SLC25A43: variants seen among roughly 807,000 people sequenced by gnomAD.
SLC25A43 encodes solute carrier family 25, member 43.
In SLC25A43, 10 loss-of-function variants were observed where a neutral mutation model predicts 22.8. The ratio of observed to expected loss-of-function variants is 0.44; its 90% CI spans 0.27 to 0.74. The LOEUF (loss-of-function observed/expected upper bound fraction) is 0.74, where lower values mean the gene tolerates loss of function less well. Ranked by LOEUF, SLC25A43 falls within the 30% of genes least tolerant of loss-of-function variation. The pLI, the probability that SLC25A43 is intolerant of heterozygous loss-of-function variation, is 0.17. For missense variants in SLC25A43, 233 were observed against 279.1 expected (o/e 0.83, Z 1.18); for synonymous variants, 106 against 121.6 (o/e 0.87, Z 0.84).
At chrX:119,418,758 G>T (rs374161765) in intron 3 of SLC25A43, among the ~76,000 whole-genome samples, 2 of 112,033 alleles carry the variant, frequency 1.8e-5, no homozygotes, top group African/African-American at 3.2e-5. Context: ...TGGTGGGAAG[G>T]GGGGTGGGTC....
chrX:119,420,537 G>A (rs1369385091), intron 3 of SLC25A43, among the ~76,000 whole-genome samples: 1 of 110,359 alleles, frequency 9.1e-6, no homozygotes, highest in Non-Finnish European at 1.9e-5. Context: ...CAAACTCCTG[G>A]GCTCAAGCCA....
At chrX:119,426,906 T>C (rs756164310) in intron 3 of SLC25A43, among the ~76,000 whole-genome samples, 39 of 110,362 alleles carry the variant, frequency 3.5e-4, no homozygotes, top group Non-Finnish European at 6.4e-4. Context: ...AGAACCTCAA[T>C]AGACCTTGGA....
chrX:119,425,627 G>GAAA (rs58579795), intron 3 of SLC25A43, among the ~76,000 whole-genome samples: 917 of 85,391 alleles, frequency 0.011, 18 homozygotes, highest in African/African-American at 0.031. Context: ...TTAGCAGTCA[G>GAAA]AAAAAAAAAA....
chrX:119,426,561 G>A (rs1263747488), intron 3 of SLC25A43, among the ~76,000 whole-genome samples: 1 of 111,813 alleles, frequency 8.9e-6, no homozygotes, highest in Non-Finnish European at 1.9e-5. Flanking sequence ...GGCGACTCAC[G>A]CCTGTAATCC....
At chrX:119,401,686 A>G (rs576112954) in intron 1 of SLC25A43, among the ~76,000 whole-genome samples, 3 of 108,423 alleles carry the variant, frequency 2.8e-5, no homozygotes, top group Non-Finnish European at 3.8e-5. Context: ...AGGGATTTGG[A>G]CTTGACTTGG....
At chrX:119,414,673 G>C (rs1302196066) in intron 3 of SLC25A43, among the ~76,000 whole-genome samples, 1 of 110,948 alleles carries the variant, frequency 9.0e-6, no homozygotes, top group African/African-American at 3.3e-5. Flanking sequence ...GTGCTTAAAA[G>C]GCCTATTCTA....
intron 3 of SLC25A43, chrX:119,451,703 T>A (rs1423888083): frequency 1.8e-6 from 1 of 555,455 alleles, no homozygotes; most frequent in Non-Finnish European, 2.4e-6. Context: ...GGGATTATGT[T>A]TATCATGTCC....
intron 3 of SLC25A43, 84 bp from the exon 4 acceptor site, chrX:119,451,922 TGTA>T (rs1255325766): frequency 1.2e-5 from 14 of 1,191,899 alleles, no homozygotes; most frequent in Middle Eastern, 2.6e-4. Context: ...GCATCCAGAA[TGTA>T]GACTTGAGAC....
intron 3 of SLC25A43, among the ~76,000 whole-genome samples, chrX:119,435,457 C>CTTTTTTTTTTTTT (rs1175233726): frequency 9.1e-5 from 5 of 54,736 alleles, no homozygotes; most frequent in African/African-American, 1.4e-4. Flanking sequence ...AGATTTTATT[C>CTTTTTTTTTTTTT]TTTTTTTTTT....
intron 3 of SLC25A43, among the ~76,000 whole-genome samples, chrX:119,431,399 G>C (rs1249188538): frequency 3.6e-5 from 4 of 110,284 alleles, no homozygotes; most frequent in Non-Finnish European, 7.6e-5. Flanking sequence ...TGTAATCCCA[G>C]CTACTCAAGA....
chrX:119,424,763 G>A (rs1299633209), intron 3 of SLC25A43, among the ~76,000 whole-genome samples: 1 of 113,348 alleles, frequency 8.8e-6, no homozygotes, highest in African/African-American at 3.2e-5. Flanking sequence ...TCTGGAGACT[G>A]AGAAGTCCAA....
chrX:119,441,827 C>T lies in SLC25A43; in HGVS notation c.691-10182C>T, dbSNP rs368598574. 2.7e-5 allele frequency among the ~76,000 whole-genome samples: 3 copies of T among 111,392 alleles called. No homozygotes were observed. In the Admixed American group the frequency reaches 2.9e-4, roughly 11 times the overall value. The stretch of plus-strand genomic sequence containing the variant: ...GTACGTGGCCAGGCGCAGTGGCTCA[C>T]GCCTGTAATCCCAGCACTTTGGGAG... On this transcript the variant is annotated intron_variant, in intron 3 of 4. Transcript: ENST00000217909.
chrX:119,419,952 C>T (rs1345904597), intron 3 of SLC25A43, among the ~76,000 whole-genome samples: 2 of 112,115 alleles, frequency 1.8e-5, no homozygotes, highest in East Asian at 5.5e-4. Flanking sequence ...ACAGTAATCT[C>T]CTCATTGGTC....
chrX:119,423,550 AAG>A (rs1326668892), intron 3 of SLC25A43: 1 of 108,989 alleles, frequency 9.2e-6, no homozygotes, highest in Non-Finnish European at 1.9e-5. Context: ...AAAGAAAAGA[AAG>A]AAAAGGAAAA....
intron 3 of SLC25A43, among the ~76,000 whole-genome samples, chrX:119,417,171 A>G (rs2052409310): frequency 9.1e-6 from 1 of 110,091 alleles, no homozygotes; most frequent in Non-Finnish European, 1.9e-5. Context: ...TAATCCCAGC[A>G]CTTTGGGAAG....
chrX:119,419,008 T>C (rs1486074859), intron 3 of SLC25A43, among the ~76,000 whole-genome samples: 5 of 112,078 alleles, frequency 4.5e-5, no homozygotes, highest in African/African-American at 1.6e-4. Flanking sequence ...CAGAGATGAA[T>C]TCATCTGATT....
At chrX:119,434,934 G>A (rs1025730975) in intron 3 of SLC25A43, 1 of 110,717 alleles carries the variant, frequency 9.0e-6, no homozygotes, top group Non-Finnish European at 1.9e-5. Flanking sequence ...TGCTTCCTGG[G>A]TTCAAGCCAT....
In SLC25A43 at chrX:119,399,514, C is replaced by A. The variant is rs1205902889; in HGVS notation, c.111C>A (p.Thr37=). 8 of 1,091,883 alleles carry A rather than the reference C, an allele frequency of 7.3e-6. No individual in the cohort carries two copies. Among genetic ancestry groups the A allele is most frequent in the East Asian group, 3.9e-5 (1 of 25,764 alleles). The allele number at this position is 1,091,883 out of a possible 1,213,427, so 90.0% of individuals were successfully genotyped here. ...TCACCGCGCCCCTGGAGCTCGCCAC[C>A]GTGCTGGCCCAGGTTGGCGTCGTGC... is the stretch of plus-strand genomic sequence containing the variant. The part of the protein sequence containing the change: ...LSLTAPLELA[T]VLAQVGVVRG... Residue 37 remains threonine, a synonymous_variant, in exon 1 of 5, where the codon ACC becomes ACA. Transcript: ENST00000217909.
intron 1 of SLC25A43, among the ~76,000 whole-genome samples, 170 bp downstream of exon 1, chrX:119,399,848 G>T (rs907515999): frequency 3.5e-5 from 4 of 113,000 alleles, no homozygotes; most frequent in Non-Finnish European, 5.6e-5. Context: ...ATGGCCCCCA[G>T]AGTGCAGCCC....
Sources: gnomAD v4.1 joint callset for allele counts (sites outside exome capture counted in the v4.1 genomes callset) on GRCh38, gnomAD v4.1.1 for gene constraint, MANE v1.5 for transcripts, NCBI Gene and HGNC (gene_info 2026-07-23, HGNC 2026-07-21) for gene names.